Variants in MACROD2 observed in about 807,000 individuals in gnomAD.
The protein encoded by MACROD2 is ADP-ribose glycohydrolase MACROD2.
MACROD2 carries 36 observed loss-of-function variants against 70.4 expected under a neutral mutation model. The ratio of observed to expected loss-of-function variants is 0.51; its 90% CI spans 0.39 to 0.68. The LOEUF (loss-of-function observed/expected upper bound fraction) is 0.68, where lower values mean the gene tolerates loss of function less well. Ranked by LOEUF, MACROD2 falls within the 30% of genes least tolerant of loss-of-function variation. The probability of loss-of-function intolerance (pLI) is 0.00; values close to 1 mark genes in which losing one functional copy is unlikely to be tolerated. For missense variants in MACROD2, 496 were observed against 538.4 expected (o/e 0.92, Z 0.78); for synonymous variants, 172 against 178.8 (o/e 0.96, Z 0.30).
intron 8 of MACROD2, among the ~76,000 whole-genome samples, chr20:15,542,364 G>T (rs540935579): frequency 6.6e-6 from 1 of 152,270 alleles, no homozygotes; most frequent in African/African-American, 2.4e-5. Flanking sequence ...AGTAGATATG[G>T]TTGTCAAAAT....
chr20:14,987,907 G>T (rs2074863785), intron 5 of MACROD2, among the ~76,000 whole-genome samples: 2 of 152,042 alleles, frequency 1.3e-5, no homozygotes, highest in South Asian at 4.2e-4. Flanking sequence ...TTCATTGCTT[G>T]CCTGAATTCA....
intron 8 of MACROD2, among the ~76,000 whole-genome samples, chr20:15,554,315 C>A (rs1228538456): frequency 1.3e-5 from 2 of 152,116 alleles, no homozygotes; most frequent in Non-Finnish European, 2.9e-5. Flanking sequence ...AGAAGGAAGG[C>A]AGTTTTGGCA....
At chr20:15,681,373 C>A (rs2146858633) in intron 8 of MACROD2, among the ~76,000 whole-genome samples, 1 of 152,298 alleles carries the variant, frequency 6.6e-6, no homozygotes, top group Non-Finnish European at 1.5e-5. Flanking sequence ...GGCCTAGTGA[C>A]AGGTGAGAAA....
chr20:15,392,142 G>C (rs2045801078), intron 6 of MACROD2, among the ~76,000 whole-genome samples: 1 of 152,102 alleles, frequency 6.6e-6, no homozygotes, highest in African/African-American at 2.4e-5. Context: ...CCAACTATAA[G>C]CTTGAAAGCT....
intron 8 of MACROD2, among the ~76,000 whole-genome samples, chr20:15,661,323 A>C (rs2049818818): frequency 6.6e-6 from 1 of 152,222 alleles, no homozygotes; most frequent in Non-Finnish European, 1.5e-5. Context: ...GCAGGGCACC[A>C]GCAAATGCTC....
chr20:15,297,945 T>C (rs1347268700), intron 6 of MACROD2, among the ~76,000 whole-genome samples: 1 of 152,214 alleles, frequency 6.6e-6, no homozygotes, highest in Non-Finnish European at 1.5e-5. Context: ...ACACAATAGC[T>C]GAATAAAACC....
At chr20:15,780,743 G>T (rs1254646697) in intron 8 of MACROD2, among the ~76,000 whole-genome samples, 1 of 152,056 alleles carries the variant, frequency 6.6e-6, no homozygotes, top group Non-Finnish European at 1.5e-5. Context: ...TTAGACTAGG[G>T]TGGTATCCAT....
chr20:14,515,464 C>CACACACACGT (rs1555798334), intron 4 of MACROD2, among the ~76,000 whole-genome samples: 22 of 27,234 alleles, frequency 8.1e-4, no homozygotes, highest in Admixed American at 6.4e-3. Context: ...TACACACACA[C>CACACACACGT]GCACACACAC....
chr20:15,026,893 A>G (rs929819639), intron 5 of MACROD2, among the ~76,000 whole-genome samples: 1 of 152,318 alleles, frequency 6.6e-6, no homozygotes, highest in African/African-American at 2.4e-5. Flanking sequence ...GCTCAGAGTC[A>G]AGTGCAATGC....
chr20:15,606,713 G>T (rs1475258665), intron 8 of MACROD2, among the ~76,000 whole-genome samples: 1 of 152,082 alleles, frequency 6.6e-6, no homozygotes, highest in Non-Finnish European at 1.5e-5. Flanking sequence ...TTCAAAAATT[G>T]GGGAACTGGC....
chr20:15,655,222 T>C (rs2049710732), intron 8 of MACROD2, among the ~76,000 whole-genome samples: 1 of 152,066 alleles, frequency 6.6e-6, no homozygotes, highest in African/African-American at 2.4e-5. Context: ...AAAGGACAAC[T>C]CTGATAATTG....
At position 14,448,109 on chromosome 20, in the gene MACROD2, T is replaced by G. The variant is rs573864579; in HGVS notation, c.272-45370T>G. Among the ~76,000 whole-genome samples the G allele has an allele frequency of 2.8e-4, 42 of 151,776 alleles. No homozygotes were observed. The South Asian group carries it at 6.4e-3, about 23-fold the overall frequency. The stretch of plus-strand genomic sequence containing the variant: ...ACAATAGTATTAGTCAAGTGAGAAC[T>G]TTGCAGCCCGTCTTTCCCACATCTC... On this transcript the variant is annotated intron_variant, in intron 3 of 17. Coordinates refer to ENST00000684519, the MANE Select transcript of MACROD2 (RefSeq NM_001351661.2).
chr20:14,302,913 A>G (rs2082488275), intron 3 of MACROD2, among the ~76,000 whole-genome samples: 1 of 152,100 alleles, frequency 6.6e-6, no homozygotes, highest in African/African-American at 2.4e-5. Context: ...CGGACTCCCC[A>G]AGTGCTGGGA....
Position 14,862,216 on chromosome 20 carries a change from T to A in MACROD2, c.418+177257T>A, listed in dbSNP as rs1415206599. The stretch of plus-strand genomic sequence containing the variant: ...ATACATAAATATATAAATATATATA[T>A]ATATAAATATATATAAATATATATT... On this transcript the variant is annotated intron_variant, in intron 5 of 17. Transcript: ENST00000684519. Among the ~76,000 whole-genome samples, 2 of 30,622 alleles carry A rather than the reference T, an allele frequency of 6.5e-5. 1 individual carries two copies. Among genetic ancestry groups the A allele is most frequent in the African/African-American group, 2.3e-4 (2 of 8,862 alleles). 20.1% of individuals were successfully genotyped at this position (30,622 alleles called of 152,430 possible). A position where few individuals can be genotyped will look rare whatever the true frequency, so the allele number is the denominator to read the frequency against.
chr20:15,707,227 A>G (rs2050548956), intron 8 of MACROD2, among the ~76,000 whole-genome samples: 1 of 152,198 alleles, frequency 6.6e-6, no homozygotes, highest in Non-Finnish European at 1.5e-5. Context: ...AGTCCTTCTC[A>G]AAGTCTTCCC....
At chr20:14,327,461 C>T in intron 3 of MACROD2, 1 of 1,613,256 alleles carries the variant, frequency 6.2e-7, no homozygotes, top group Non-Finnish European at 8.5e-7. Context: ...AGGAACAGCC[C>T]AATTTTAGTC....
At chr20:14,033,966 A>ATTTATTTG (rs1050548842) in intron 2 of MACROD2, among the ~76,000 whole-genome samples, 1 of 150,534 alleles carries the variant, frequency 6.6e-6, no homozygotes. Flanking sequence ...TTTTTATTTT[A>ATTTATTTG]TTTATTTATT....
chr20:15,186,501 C>T (rs930996982), intron 5 of MACROD2, among the ~76,000 whole-genome samples: 4 of 152,082 alleles, frequency 2.6e-5, no homozygotes. Flanking sequence ...CACTGTATTT[C>T]TTCCGGACTT....
chr20:15,544,211 C>T (rs967183039), intron 8 of MACROD2, among the ~76,000 whole-genome samples: 7 of 152,138 alleles, frequency 4.6e-5, no homozygotes, highest in Non-Finnish European at 1.0e-4. Context: ...GATTCTTTGC[C>T]TGGAGTCGTA....
Sources: gnomAD v4.1 joint callset for allele counts (sites outside exome capture counted in the v4.1 genomes callset) on GRCh38, gnomAD v4.1.1 for gene constraint, MANE v1.5 for transcripts, NCBI Gene and HGNC (gene_info 2026-07-23, HGNC 2026-07-21) for gene names.